Variants in RORB observed in about 807,000 individuals in gnomAD.
RORB encodes nuclear receptor ROR-beta.
RORB carries 6 observed loss-of-function variants against 59.1 expected under a neutral mutation model. That is an observed-to-expected ratio of 0.10 (90% CI 0.06 to 0.20). The LOEUF (loss-of-function observed/expected upper bound fraction) is 0.20. RORB is among the 10% of genes least tolerant of loss of function. RORB has a pLI of 1.00. For missense variants in RORB, 320 were observed against 560.5 expected (o/e 0.57, Z 4.33); for synonymous variants, 215 against 204.5 (o/e 1.05, Z -0.44).
At chr9:74,501,501 G>A (rs1406203469) in intron 1 of RORB, among the ~76,000 whole-genome samples, 1 of 151,984 alleles carries the variant, frequency 6.6e-6, no homozygotes, top group Non-Finnish European at 1.5e-5. Context: ...TTGCTGGAAG[G>A]ACATCTCTGT....
chr9:74,655,971 G>T (rs577077346), intron 4 of RORB, among the ~76,000 whole-genome samples: 1 of 152,168 alleles, frequency 6.6e-6, no homozygotes, highest in African/African-American at 2.4e-5. Flanking sequence ...ATTGCCATTC[G>T]TAATAAGTCT....
chr9:74,651,314 C>T (rs1331274989), intron 4 of RORB, among the ~76,000 whole-genome samples: 1 of 152,156 alleles, frequency 6.6e-6, no homozygotes, highest in Non-Finnish European at 1.5e-5. Context: ...GCAGGTGGAT[C>T]ACATGAGGTC....
chr9:74,644,437 G>C (rs762749857), intron 4 of RORB, among the ~76,000 whole-genome samples: 14 of 152,094 alleles, frequency 9.2e-5, no homozygotes, highest in Non-Finnish European at 1.6e-4. Flanking sequence ...TAGTATTTCT[G>C]TTATACAGAT....
chr9:74,587,726 A>G (rs1250741921), intron 1 of RORB, among the ~76,000 whole-genome samples: 1 of 152,150 alleles, frequency 6.6e-6, no homozygotes, highest in African/African-American at 2.4e-5. Flanking sequence ...TTCACATGTG[A>G]TCTTAGCATT....
At chr9:74,668,132 G>C (rs912918696) in intron 8 of RORB, among the ~76,000 whole-genome samples, 1 of 152,184 alleles carries the variant, frequency 6.6e-6, no homozygotes, top group Non-Finnish European at 1.5e-5. Context: ...GGTTATTCCA[G>C]ATTCAGATAC....
At chr9:74,668,293 T>C (rs895838535) in intron 8 of RORB, among the ~76,000 whole-genome samples, 4 of 152,232 alleles carry the variant, frequency 2.6e-5, no homozygotes, top group African/African-American at 9.6e-5. Context: ...AGCTCCAGAA[T>C]GGGGACCTAC....
intron 1 of RORB, among the ~76,000 whole-genome samples, chr9:74,509,103 T>C (rs1159891630): frequency 2.0e-5 from 3 of 152,036 alleles, no homozygotes; most frequent in Non-Finnish European, 4.4e-5. Context: ...TAGAGAATAA[T>C]ACAGTAAAAC....
chr9:74,524,073 G>A (rs146414446), intron 1 of RORB, among the ~76,000 whole-genome samples: 52 of 148,072 alleles, frequency 3.5e-4, no homozygotes, highest in Admixed American at 2.4e-3. Context: ...GAATAAAGAG[G>A]AATAAGGTAA....
chr9:74,663,861 G>A (rs536614936), intron 6 of RORB, among the ~76,000 whole-genome samples: 1 of 152,030 alleles, frequency 6.6e-6, no homozygotes, highest in African/African-American at 2.4e-5. Context: ...ACACTAGGGT[G>A]TTCTCTAGGT....
At chr9:74,559,615 A>C (rs1311224432) in intron 1 of RORB, among the ~76,000 whole-genome samples, 1 of 152,162 alleles carries the variant, frequency 6.6e-6, no homozygotes, top group South Asian at 2.1e-4. Flanking sequence ...AAATCCAGAT[A>C]TTTCAGACTG....
intron 4 of RORB, among the ~76,000 whole-genome samples, chr9:74,647,113 C>T (rs1823913299): frequency 6.6e-6 from 1 of 152,184 alleles, no homozygotes; most frequent in Non-Finnish European, 1.5e-5. Flanking sequence ...AATATTTAGA[C>T]AGCAGTATTA....
At chr9:74,614,685 G>GAGAA (rs951962947) in intron 1 of RORB, among the ~76,000 whole-genome samples, 1 of 152,162 alleles carries the variant, frequency 6.6e-6, no homozygotes, top group Non-Finnish European at 1.5e-5. Flanking sequence ...GAAGAGCAAA[G>GAGAA]AGAAAGATCT....
chr9:74,656,755 A>G (rs996888060), intron 4 of RORB, among the ~76,000 whole-genome samples: 1 of 152,096 alleles, frequency 6.6e-6, no homozygotes, highest in Non-Finnish European at 1.5e-5. Flanking sequence ...TAAATAAGAC[A>G]AAAAACAGAC....
In RORB at chr9:74,497,690, C is replaced by A; in HGVS notation, c.-287C>A. On this transcript the variant is annotated 5_prime_UTR_variant, in exon 1 of 10. Coordinates refer to ENST00000376896, the MANE Select transcript of RORB (RefSeq NM_006914.4). Reference sequence around the variant, plus strand: ...AGAAAAACAAAACCAAAACAAAACCCAGGCACCAGACAGCCAGAACATTTT... The same window carrying A: ...AGAAAAACAAAACCAAAACAAAACCAAGGCACCAGACAGCCAGAACATTTT... The A allele has an allele frequency of 2.0e-6, 1 of 493,982 alleles. No individual in the cohort carries two copies. The highest frequency in any genetic ancestry group is 3.6e-6 in the Non-Finnish European group (1 of 277,708). 30.6% of individuals were successfully genotyped at this position (493,982 alleles called of 1,614,324 possible).
rs1823792724 is a variant in RORB at position 74,640,904 on chromosome 9, T to G, written c.236-1510T>G. ...AGGAGGAGGGTGAATGGCAGCTCTT[T>G]CAGACTGTGGGAATCTCTTCTGTGT... On this transcript the variant is annotated intron_variant, in intron 3 of 9. Transcript: ENST00000376896. Among the ~76,000 whole-genome samples, 5 of 152,334 alleles carry G rather than the reference T, an allele frequency of 3.3e-5. No homozygotes were observed. In the South Asian group the frequency reaches 1.0e-3, roughly 32 times the overall value.
chr9:74,585,864 G>C (rs1258462096), intron 1 of RORB, among the ~76,000 whole-genome samples: 1 of 151,294 alleles, frequency 6.6e-6, no homozygotes, highest in African/African-American at 2.4e-5. Flanking sequence ...GAGCGATCTC[G>C]GCTCACTGCA....
rs959880122 is a variant in RORB at position 74,686,082 on chromosome 9, A to G, written c.*464A>G. On this transcript the variant is annotated 3_prime_UTR_variant, in exon 10 of 10. Coordinates refer to ENST00000376896, the MANE Select transcript of RORB (RefSeq NM_006914.4). ...GTAGCTGTCTTGGAAAGTACTGTGC[A>G]TGTATGTAATAAGTATATAATATGT... 1 of 153,124 alleles carries G rather than the reference A, an allele frequency of 6.5e-6. No individual in the cohort carries two copies. The highest frequency in any genetic ancestry group is 1.5e-5 in the Non-Finnish European group (1 of 68,360). The allele number at this position is 153,124 out of a possible 1,614,324, so 9.5% of individuals were successfully genotyped here. A position where few individuals can be genotyped will look rare whatever the true frequency, so the allele number is the denominator to read the frequency against.
At chr9:74,647,597 T>C (rs1156647572) in intron 4 of RORB, among the ~76,000 whole-genome samples, 1 of 152,220 alleles carries the variant, frequency 6.6e-6, no homozygotes, top group African/African-American at 2.4e-5. Context: ...CACAGACTTA[T>C]TTTCATATTG....
At chr9:74,642,369 A>C in intron 3 of RORB, 45 bp from the exon 4 acceptor site, 2 of 1,553,616 alleles carry the variant, frequency 1.3e-6, no homozygotes, top group Non-Finnish European at 1.7e-6. Context: ...GGTTAACGCG[A>C]ATGATAACCA....
Sources: allele counts gnomAD v4.1 joint callset (sites outside exome capture counted in the v4.1 genomes callset), GRCh38; gene constraint gnomAD v4.1.1; transcripts MANE v1.5; gene names NCBI Gene and HGNC (gene_info 2026-07-23, HGNC 2026-07-21).